The following ABR variants were observed in gnomAD, a reference collection of about 807,000 sequenced individuals.
The protein encoded by ABR is active breakpoint cluster region-related protein.
A neutral mutation model predicts 107.2 loss-of-function variants in ABR; 35 were observed. The ratio of observed to expected loss-of-function variants is 0.33; its 90% CI spans 0.25 to 0.43. ABR has a LOEUF of 0.43. Among genes scored for constraint, ABR ranks in the 20% least tolerant of loss-of-function variants. The probability of loss-of-function intolerance (pLI) is 1.00; values close to 1 mark genes in which losing one functional copy is unlikely to be tolerated. For synonymous variants in ABR, 498 were observed against 462.0 expected, an observed-to-expected ratio of 1.08 and a Z score of -1.00; for missense variants, 815 against 1,115.2, an observed-to-expected ratio of 0.73 and a Z score of 3.83.
Position 1,011,552 on chromosome 17 carries a change from C to G in ABR, c.2101+294G>C, listed in dbSNP as rs1273538652. The G allele has an allele frequency of 1.6e-5, 4 of 252,740 alleles. No individual in the cohort carries two copies. Among genetic ancestry groups the G allele is most frequent in the Non-Finnish European group, 3.0e-5 (4 of 132,660 alleles). 15.7% of individuals were successfully genotyped at this position (252,740 alleles called of 1,614,324 possible). A position where few individuals can be genotyped will look rare whatever the true frequency, so the allele number is the denominator to read the frequency against. On this transcript the variant is annotated intron_variant, in intron 19 of 22. Coordinates refer to ENST00000302538, the MANE Select transcript of ABR (RefSeq NM_021962.5). The surrounding 1 kb of genome is among the most constrained non-coding windows in gnomAD (Gnocchi z 4.8). ...GGCTCACCAGGCACCCAGGAACTAG[C>G]AAGAAAGACACTGGAGTCAGATCTG... is the stretch of plus-strand genomic sequence containing the variant.
chr17:1,104,039 G>A (rs1170392831), intron 2 of ABR, among the ~76,000 whole-genome samples: 4 of 149,786 alleles, frequency 2.7e-5, no homozygotes, highest in Non-Finnish European at 6.0e-5. Context: ...GGAATACGAA[G>A]GTGAAGGAGA....
chr17:1,031,955 GCTGCAGCCCAGGCTGAGCGCCGCCTC>G, intron 16 of ABR: 1 of 863,788 alleles, frequency 1.2e-6, no homozygotes, highest in Non-Finnish European at 1.5e-6. Context: ...CCTCCGCGAG[GCTGCAGCCCAGGCTGAGCGCCGCCTC>G]CCAGGCCCAG....
intron 16 of ABR, among the ~76,000 whole-genome samples, chr17:1,036,923 G>C (rs904825336): frequency 6.6e-6 from 1 of 152,158 alleles, no homozygotes; most frequent in Non-Finnish European, 1.5e-5. Flanking sequence ...TCAGCCTGGG[G>C]ACAGGAGTCA....
At position 1,005,788 on chromosome 17, in the gene ABR, C is replaced by A; in HGVS notation, c.*292G>T. On this transcript the variant is annotated 3_prime_UTR_variant, in exon 23 of 23. Transcript: ENST00000302538. The stretch of plus-strand genomic sequence containing the variant: ...GTGCCCACGCCGGGCCGGTCACTAC[C>A]TTTTCTGCCTGACAAGTGTACATAA... 2.1e-6 allele frequency: 1 copy of A among 471,642 alleles called. No individual in the cohort carries two copies. The highest frequency in any genetic ancestry group is 3.8e-6 in the Non-Finnish European group (1 of 260,842). 29.2% of individuals were successfully genotyped at this position (471,642 alleles called of 1,614,324 possible).
intron 4 of ABR, among the ~76,000 whole-genome samples, chr17:1,090,710 G>C (rs1465596706): frequency 6.6e-6 from 1 of 152,202 alleles, no homozygotes; most frequent in Non-Finnish European, 1.5e-5. Flanking sequence ...GCAGAGCCCT[G>C]TCCATTCAGC....
chr17:1,089,857 T>C (rs575809165), intron 4 of ABR, among the ~76,000 whole-genome samples: 1 of 152,128 alleles, frequency 6.6e-6, no homozygotes, highest in Non-Finnish European at 1.5e-5. Context: ...CTACTCGGGA[T>C]GCTGAGGCAG....
At chr17:1,102,441 C>T (rs1357243944) in intron 2 of ABR, among the ~76,000 whole-genome samples, 1 of 152,154 alleles carries the variant, frequency 6.6e-6, no homozygotes, top group Non-Finnish European at 1.5e-5. Context: ...GAACTCACTC[C>T]CCTAGAGCAG....
At chr17:1,173,429 G>T (rs1020793206) in intron 1 of ABR, among the ~76,000 whole-genome samples, 5 of 142,754 alleles carry the variant, frequency 3.5e-5, no homozygotes, top group African/African-American at 1.3e-4. Context: ...GGCAGTGGGC[G>T]CAGGGTTGTC....
rs1179814469 is a variant in ABR, at chr17:1,004,891, G to C, written c.*1189C>G. Reference sequence around the variant, plus strand: ...TCCTGGAGGACCGTGGCAGTGCTTGGCTGTGGAGTGTGTGTAAAATCTAAG... The same window carrying C: ...TCCTGGAGGACCGTGGCAGTGCTTGCCTGTGGAGTGTGTGTAAAATCTAAG... On this transcript the variant is annotated 3_prime_UTR_variant, in exon 23 of 23. Transcript: ENST00000302538. 2.5e-6 allele frequency: 1 copy of C among 397,272 alleles called. No individual in the cohort carries two copies. Among genetic ancestry groups the C allele is most frequent in the Non-Finnish European group, 4.4e-6 (1 of 225,586 alleles). 24.6% of individuals were successfully genotyped at this position (397,272 alleles called of 1,614,324 possible).
exon 1 of ABR, among the ~76,000 whole-genome samples, chr17:1,229,449 G>A (rs1598162927): frequency 6.6e-6 from 1 of 151,456 alleles, no homozygotes. Context: ...GGCCAGCGCG[G>A]CCTGCGGGAG....
At chr17:1,215,395 T>C (rs1391111494) in intron 1 of ABR, among the ~76,000 whole-genome samples, 19 of 152,188 alleles carry the variant, frequency 1.2e-4, no homozygotes, top group Non-Finnish European at 2.6e-4. Flanking sequence ...CGCGCTGCCA[T>C]GCCTGACTGG....
At chr17:1,203,710 T>C (rs1567889721) in intron 1 of ABR, among the ~76,000 whole-genome samples, 1 of 152,104 alleles carries the variant, frequency 6.6e-6, no homozygotes, top group Non-Finnish European at 1.5e-5. Context: ...GCCCGGGTCG[T>C]GTCCGTGACT....
At chr17:1,076,808 C>T (rs2035774457) in intron 6 of ABR, among the ~76,000 whole-genome samples, 1 of 151,212 alleles carries the variant, frequency 6.6e-6, no homozygotes, top group Non-Finnish European at 1.5e-5. Context: ...GTTTGTGCTC[C>T]CCACGGCCCC....
In ABR at chr17:1,175,711, A is replaced by G. The variant is rs116058262; in HGVS notation, c.61+3956T>C. 7.1e-3 allele frequency among the ~76,000 whole-genome samples: 1,076 copies of G among 152,244 alleles called. 11 individuals are homozygous for G. The highest frequency in any genetic ancestry group is 0.02 in the Middle Eastern group (6 of 294). ...ATGGAGGGTTTGCTGCCCAACCCTC[A>G]TCAAATGACCACCAAACCTGTGATG... On this transcript the variant is annotated intron_variant, in intron 1 of 22. Coordinates refer to ENST00000302538, the MANE Select transcript of ABR (RefSeq NM_021962.5).
At chr17:1,009,299 T>A (rs954944580) in intron 21 of ABR, among the ~76,000 whole-genome samples, 2 of 129,584 alleles carry the variant, frequency 1.5e-5, no homozygotes, top group African/African-American at 5.8e-5. Flanking sequence ...CCACTGCATC[T>A]AGAAATGGCT....
At position 1,072,765 on chromosome 17, in the gene ABR, T is replaced by G; in HGVS notation, c.754-11A>C. On this transcript the variant is annotated splice_polypyrimidine_tract_variant and intron_variant, in intron 7 of 22. Transcript: ENST00000302538. Reference sequence around the variant, plus strand: ...GTGCTTCAGCAGGTCCTGGGAAGGGTGAGGCGGTGAGTTGAGGGGAGCGGC... The same window carrying G: ...GTGCTTCAGCAGGTCCTGGGAAGGGGGAGGCGGTGAGTTGAGGGGAGCGGC... 1 of 1,611,086 alleles carries G rather than the reference T, an allele frequency of 6.2e-7. No individual in the cohort carries two copies. Among genetic ancestry groups the G allele is most frequent in the Non-Finnish European group, 8.5e-7 (1 of 1,179,260 alleles).
intron 16 of ABR, among the ~76,000 whole-genome samples, chr17:1,035,153 A>G (rs768858874): frequency 2.6e-5 from 4 of 151,716 alleles, no homozygotes; most frequent in African/African-American, 7.3e-5. Flanking sequence ...CCTGGAGTCA[A>G]TGGTCTTGGG....
chr17:1,151,703 C>G (rs1298504176), intron 1 of ABR, among the ~76,000 whole-genome samples: 2 of 152,202 alleles, frequency 1.3e-5, no homozygotes, highest in South Asian at 4.1e-4. Flanking sequence ...TAGGTTGAAC[C>G]CTTTTTGGGC....
At chr17:1,140,032 C>T (rs1405113340) in intron 1 of ABR, among the ~76,000 whole-genome samples, 2 of 152,176 alleles carry the variant, frequency 1.3e-5, no homozygotes. Context: ...AGATTTCACG[C>T]ACGCTGGGAG....
Sources: allele counts gnomAD v4.1 joint callset (sites outside exome capture counted in the v4.1 genomes callset), GRCh38; gene constraint gnomAD v4.1.1; non-coding constraint Gnocchi (gnomAD v3.1); transcripts MANE v1.5; gene names NCBI Gene and HGNC (gene_info 2026-07-23, HGNC 2026-07-21).